The following GALNT7 variants were observed in gnomAD, a reference collection of about 807,000 sequenced individuals.
The protein encoded by GALNT7 is polypeptide N-acetylgalactosaminyltransferase 7.
Under a neutral mutation model 82.1 loss-of-function variants are expected in GALNT7, and 60 were observed. That is an observed-to-expected ratio of 0.73 (90% confidence interval 0.59 to 0.91). The LOEUF is 0.91. Ranked by LOEUF, GALNT7 falls within the 40% of genes least tolerant of loss-of-function variation. GALNT7 has a pLI of 0.00. For missense variants in GALNT7, 660 were observed against 804.2 expected (o/e 0.82, Z 2.17); for synonymous variants, 243 against 275.1 (o/e 0.88, Z 1.15).
intron 9 of GALNT7, 58 bp from the exon 10 acceptor site, chr4:173,317,576 A>T: frequency 9.9e-7 from 1 of 1,005,188 alleles, no homozygotes; most frequent in Non-Finnish European, 1.6e-6. Flanking sequence ...TTCTGATGCC[A>T]GAGTTCATCA....
At chr4:173,318,389 GA>G in intron 10 of GALNT7, 41 bp from the exon 11 acceptor site, 1 of 1,533,474 alleles carries the variant, frequency 6.5e-7, no homozygotes, top group Non-Finnish European at 8.8e-7. Context: ...CATCAGCAGG[GA>G]AGGTGCCTCT....
chr4:173,305,048 TG>T (rs545009801), intron 8 of GALNT7, among the ~76,000 whole-genome samples: 98 of 152,322 alleles, frequency 6.4e-4, no homozygotes, highest in Non-Finnish European at 1.2e-3. Flanking sequence ...GTAATGAGAT[TG>T]CTAGATCAGA....
intron 1 of GALNT7, among the ~76,000 whole-genome samples, chr4:173,211,992 TG>T (rs1214334777): frequency 6.6e-6 from 1 of 152,240 alleles, no homozygotes; most frequent in Non-Finnish European, 1.5e-5. Flanking sequence ...GCAGGCAGTG[TG>T]GTTGACTACT....
chr4:173,227,228 A>G (rs1733861279), intron 1 of GALNT7, among the ~76,000 whole-genome samples: 2 of 152,226 alleles, frequency 1.3e-5, no homozygotes, highest in Non-Finnish European at 2.9e-5. Flanking sequence ...CTCCATTTAA[A>G]GAAGTATCTT....
chr4:173,204,695 A>G (rs1375992780), intron 1 of GALNT7, among the ~76,000 whole-genome samples: 1 of 151,954 alleles, frequency 6.6e-6, no homozygotes, highest in Non-Finnish European at 1.5e-5. Flanking sequence ...GTTGTTTCTC[A>G]TTTTGATCAT....
chr4:173,248,564 G>T (rs1734744673), intron 2 of GALNT7, 124 bp downstream of exon 2: 1 of 659,826 alleles, frequency 1.5e-6, no homozygotes, highest in Admixed American at 2.9e-5. Context: ...GAAATAAGAG[G>T]ATCTTTGAAC....
chr4:173,315,426 A>C (rs1437782362), intron 9 of GALNT7, among the ~76,000 whole-genome samples: 2 of 152,152 alleles, frequency 1.3e-5, no homozygotes, highest in African/African-American at 4.8e-5. Flanking sequence ...AGGTTGTATG[A>C]TGCCAAAGTC....
At chr4:173,280,044 G>C (rs1736056961) in intron 2 of GALNT7, among the ~76,000 whole-genome samples, 1 of 152,106 alleles carries the variant, frequency 6.6e-6, no homozygotes, top group Non-Finnish European at 1.5e-5. Context: ...TGTTTCCTAT[G>C]CCTAAAGAAT....
At chr4:173,278,864 A>G (rs1736008484) in intron 2 of GALNT7, among the ~76,000 whole-genome samples, 1 of 152,230 alleles carries the variant, frequency 6.6e-6, no homozygotes, top group African/African-American at 2.4e-5. Context: ...GAGAGGGATA[A>G]TGAGGAATTT....
intron 1 of GALNT7, among the ~76,000 whole-genome samples, chr4:173,181,706 T>C (rs771455307): frequency 5.9e-5 from 9 of 152,214 alleles, no homozygotes; most frequent in Non-Finnish European, 1.3e-4. Flanking sequence ...GAAAATACCA[T>C]GGCTTTTCCC....
chr4:173,220,298 T>G (rs746272898), intron 1 of GALNT7, among the ~76,000 whole-genome samples: 7 of 152,226 alleles, frequency 4.6e-5, no homozygotes, highest in Non-Finnish European at 1.0e-4. Flanking sequence ...ATCAGTTGAC[T>G]GTAAGTATTT....
intron 1 of GALNT7, among the ~76,000 whole-genome samples, chr4:173,246,722 T>G (rs763842620): frequency 6.6e-6 from 1 of 152,178 alleles, no homozygotes; most frequent in Non-Finnish European, 1.5e-5. Context: ...CACATCAACA[T>G]CATACTTAGA....
At chr4:173,238,742 T>G (rs1253179763) in intron 1 of GALNT7, among the ~76,000 whole-genome samples, 1 of 152,206 alleles carries the variant, frequency 6.6e-6, no homozygotes, top group Non-Finnish European at 1.5e-5. Flanking sequence ...ATGATTCAGT[T>G]GATGAGCCAA....
At chr4:173,223,394 A>G (rs1434244432) in intron 1 of GALNT7, among the ~76,000 whole-genome samples, 1 of 152,174 alleles carries the variant, frequency 6.6e-6, no homozygotes, top group African/African-American at 2.4e-5. Flanking sequence ...AACCTGAGTT[A>G]TACCTGTATT....
At chr4:173,183,515 A>G (rs1732338652) in intron 1 of GALNT7, among the ~76,000 whole-genome samples, 1 of 151,940 alleles carries the variant, frequency 6.6e-6, no homozygotes, top group African/African-American at 2.4e-5. Flanking sequence ...AATTTTTCTT[A>G]GTACAGAACA....
intron 1 of GALNT7, among the ~76,000 whole-genome samples, chr4:173,225,225 C>G (rs892991250): frequency 2.6e-5 from 4 of 152,012 alleles, no homozygotes; most frequent in African/African-American, 9.7e-5. Flanking sequence ...GGTCATATCT[C>G]TCAATCCTCC....
At chr4:173,178,110 A>G (rs1431713277) in intron 1 of GALNT7, among the ~76,000 whole-genome samples, 1 of 150,056 alleles carries the variant, frequency 6.7e-6, no homozygotes, top group Admixed American at 6.6e-5. Context: ...GTGATCATAT[A>G]TAATACTATA....
At chr4:173,231,363 G>A (rs756881903) in intron 1 of GALNT7, among the ~76,000 whole-genome samples, 8 of 152,096 alleles carry the variant, frequency 5.3e-5, no homozygotes, top group Non-Finnish European at 1.0e-4. Context: ...AAGGCCCCTC[G>A]AGTTAATTGT....
At chr4:173,178,833 CT>C (rs1376815872) in intron 1 of GALNT7, among the ~76,000 whole-genome samples, 1 of 152,192 alleles carries the variant, frequency 6.6e-6, no homozygotes, top group East Asian at 1.9e-4. Flanking sequence ...CAATAGGAAT[CT>C]GTTATTACAA....
Sources: allele counts gnomAD v4.1 joint callset (sites outside exome capture counted in the v4.1 genomes callset), GRCh38; gene constraint gnomAD v4.1.1; transcripts MANE v1.5; gene names NCBI Gene and HGNC (gene_info 2026-07-23, HGNC 2026-07-21).